The following LANCL3 variants were observed in gnomAD, a reference collection of about 807,000 sequenced individuals.
LANCL3 encodes lanC-like protein 3.
In LANCL3, 19 loss-of-function variants were observed where a neutral mutation model predicts 26.5. The observed-to-expected ratio is 0.72, with a 90% confidence interval of 0.50 to 1.05. The LOEUF (loss-of-function observed/expected upper bound fraction) is 1.05. LANCL3 is among the 50% of genes least tolerant of loss of function. LANCL3 has a pLI of 0.00. For missense variants in LANCL3, 318 were observed against 362.7 expected (o/e 0.88, Z 1.00); for synonymous variants, 160 against 166.6 (o/e 0.96, Z 0.30).
At chrX:37,623,162 C>T (rs1556422562) in intron 1 of LANCL3, among the ~76,000 whole-genome samples, 1 of 111,903 alleles carries the variant, frequency 8.9e-6, no homozygotes, top group Non-Finnish European at 1.9e-5. Flanking sequence ...CTTATTTCCA[C>T]TTTATTTTAA....
intron 1 of LANCL3, among the ~76,000 whole-genome samples, chrX:37,597,908 C>T (rs1272578352): frequency 2.7e-5 from 3 of 109,571 alleles, no homozygotes; most frequent in Non-Finnish European, 5.7e-5. Flanking sequence ...ATGCAGTTTC[C>T]TGATGACGAA....
rs1293108060 is a variant in LANCL3, at chrX:37,678,939, G to A, written c.*3126G>A. ...GAAATTGTTTCAAATTTGAAAGAGC[G>A]AACCTCAGTAACTTCAATGAAACAA... is the stretch of plus-strand genomic sequence containing the variant. On this transcript the variant is annotated 3_prime_UTR_variant, in exon 5 of 5. Transcript: ENST00000378619. 9.0e-6 allele frequency: 1 copy of A among 111,664 alleles called. No individual in the cohort carries two copies. Among genetic ancestry groups the A allele is most frequent in the East Asian group, 2.8e-4 (1 of 3,579 alleles). The allele number at this position is 111,664 out of a possible 1,213,427, so 9.2% of individuals were successfully genotyped here. A position where few individuals can be genotyped will look rare whatever the true frequency, so the allele number is the denominator to read the frequency against.
At chrX:37,629,170 G>A (rs1289410153) in intron 1 of LANCL3, among the ~76,000 whole-genome samples, 3 of 109,305 alleles carry the variant, frequency 2.7e-5, no homozygotes, top group Non-Finnish European at 5.7e-5. Flanking sequence ...TCTCATTGTG[G>A]TTTTGATTTG....
intron 4 of LANCL3, among the ~76,000 whole-genome samples, chrX:37,674,230 A>T (rs1556436849): frequency 8.9e-6 from 1 of 111,923 alleles, no homozygotes; most frequent in Non-Finnish European, 1.9e-5. Flanking sequence ...GAATGTAGGT[A>T]GTAAGTCACA....
chrX:37,587,882 A>G (rs67917762), intron 1 of LANCL3, among the ~76,000 whole-genome samples: 23,764 of 111,632 alleles, frequency 0.21, 3,873 homozygotes, highest in African/African-American at 0.57. Context: ...CATCTTCTGC[A>G]TCTCTCACGC....
chrX:37,670,783 T>C (rs1556435873), intron 4 of LANCL3, among the ~76,000 whole-genome samples: 1 of 111,761 alleles, frequency 8.9e-6, no homozygotes, highest in African/African-American at 3.2e-5. Flanking sequence ...AATCAGCATC[T>C]TTAGAATATT....
intron 1 of LANCL3, among the ~76,000 whole-genome samples, chrX:37,651,123 C>T (rs1182684510): frequency 9.0e-6 from 1 of 111,138 alleles, no homozygotes; most frequent in African/African-American, 3.3e-5. Flanking sequence ...TTAATCCAGT[C>T]TATCACTGAT....
At chrX:37,623,074 T>C (rs888614752) in intron 1 of LANCL3, among the ~76,000 whole-genome samples, 9 of 112,466 alleles carry the variant, frequency 8.0e-5, no homozygotes, top group African/African-American at 2.9e-4. Context: ...TGTTTGTTTT[T>C]TGTTTTTAGC....
chrX:37,572,241 G>A lies in LANCL3; in HGVS notation c.371G>A (p.Gly124Asp). The change falls in exon 1 of 5, where the codon GGC becomes GAC. Residue 124 changes from glycine (G) to aspartate (D), a missense_variant. Coordinates refer to ENST00000378619, the MANE Select transcript of LANCL3 (RefSeq NM_001170331.2). The stretch of plus-strand genomic sequence containing the variant: ...ACCCGCGCCGCCTTCCTGCTCGGGG[G>A]CGCGGGCGTGTACGCCGTGGCCACG... The part of the protein sequence containing the change: ...ADTRAAFLLG[G>D]AGVYAVATLV... 8.7e-7 allele frequency: 1 copy of A among 1,148,160 alleles called. No individual in the cohort carries two copies. Among genetic ancestry groups the A allele is most frequent in the East Asian group, 3.2e-5 (1 of 30,981 alleles). The allele number at this position is 1,148,160 out of a possible 1,213,427, so 94.6% of individuals were successfully genotyped here.
At chrX:37,633,646 C>A (rs1187499386) in intron 1 of LANCL3, among the ~76,000 whole-genome samples, 2 of 111,709 alleles carry the variant, frequency 1.8e-5, no homozygotes, top group Non-Finnish European at 3.8e-5. Flanking sequence ...TTCCTTCTAA[C>A]AGACAGGACC....
chrX:37,657,019 G>A (rs1434410700), intron 2 of LANCL3, among the ~76,000 whole-genome samples: 5 of 112,856 alleles, frequency 4.4e-5, no homozygotes, highest in Admixed American at 9.3e-5. Flanking sequence ...GTAATAATGA[G>A]CAACTGTGGA....
intron 1 of LANCL3, among the ~76,000 whole-genome samples, chrX:37,609,221 A>G (rs1358803932): frequency 8.9e-6 from 1 of 111,828 alleles, no homozygotes; most frequent in Non-Finnish European, 1.9e-5. Context: ...AGAAATCCAT[A>G]TTTGCCTACT....
intron 1 of LANCL3, among the ~76,000 whole-genome samples, chrX:37,576,565 C>A (rs1466397798): frequency 2.7e-5 from 3 of 111,668 alleles, no homozygotes; most frequent in Non-Finnish European, 5.6e-5. Context: ...ATAAGAGCTT[C>A]TTCGTTGACT....
rs1391036506 is a variant in LANCL3 at position 37,633,074 on chromosome X, G to A, written c.574-22614G>A. Reference sequence around the variant, plus strand: ...TTTCCAACTTGGTTCCATTCTCCCCGTCACTTTCAGGTACACCAATCAGAT... The same window carrying A: ...TTTCCAACTTGGTTCCATTCTCCCCATCACTTTCAGGTACACCAATCAGAT... On this transcript the variant is annotated intron_variant, in intron 1 of 4. Transcript: ENST00000378619. Among the ~76,000 whole-genome samples, 7 of 110,762 alleles carry A rather than the reference G, an allele frequency of 6.3e-5. No individual in the cohort carries two copies. The South Asian group carries it at 1.2e-3, about 18-fold the overall frequency.
At chrX:37,628,509 C>T (rs1336182224) in intron 1 of LANCL3, among the ~76,000 whole-genome samples, 7 of 107,688 alleles carry the variant, frequency 6.5e-5, no homozygotes, top group African/African-American at 2.4e-4. Context: ...AGGTTAGTTA[C>T]ATATGTATAC....
chrX:37,683,629 A>G lies in LANCL3; in HGVS notation c.*7816A>G, dbSNP rs1556439007. On this transcript the variant is annotated 3_prime_UTR_variant, in exon 5 of 5. Coordinates refer to ENST00000378619, the MANE Select transcript of LANCL3 (RefSeq NM_001170331.2). ...GTTATATGACCTCTTGCTAATTGTT[A>G]TATTTCCTTAGGGGCACTTTGAGGC... The G allele has an allele frequency of 1.8e-5, 2 of 111,762 alleles. No homozygotes were observed. The allele number at this position is 111,762 out of a possible 1,213,427, so 9.2% of individuals were successfully genotyped here.
At chrX:37,643,978 G>T (rs1925930792) in intron 1 of LANCL3, among the ~76,000 whole-genome samples, 1 of 111,721 alleles carries the variant, frequency 9.0e-6, no homozygotes, top group Non-Finnish European at 1.9e-5. Context: ...GAAGAATGAG[G>T]CTAAGAAAGA....
rs782637129 is a variant in LANCL3 at position 37,592,802 on chromosome X, T to C, written c.573+20359T>C. On this transcript the variant is annotated intron_variant, in intron 1 of 4. Coordinates refer to ENST00000378619, the MANE Select transcript of LANCL3 (RefSeq NM_001170331.2). Reference sequence around the variant, plus strand: ...AGAACAAAGTGAAAGAGGAAAATTATGAAAAAAAGCAAGAATATTTTTTAT... The same window carrying C: ...AGAACAAAGTGAAAGAGGAAAATTACGAAAAAAAGCAAGAATATTTTTTAT... Among the ~76,000 whole-genome samples the C allele has an allele frequency of 3.6e-5, 4 of 111,369 alleles. No homozygotes were observed. In the South Asian group the frequency reaches 1.5e-3, roughly 42 times the overall value.
At chrX:37,618,732 G>A (rs1462501570) in intron 1 of LANCL3, among the ~76,000 whole-genome samples, 1 of 111,636 alleles carries the variant, frequency 9.0e-6, no homozygotes, top group Non-Finnish European at 1.9e-5. Context: ...CATTTTATAA[G>A]ACACAGTCAT....
Sources: allele counts gnomAD v4.1 joint callset (sites outside exome capture counted in the v4.1 genomes callset), GRCh38; gene constraint gnomAD v4.1.1; transcripts MANE v1.5; gene names NCBI Gene and HGNC (gene_info 2026-07-23, HGNC 2026-07-21).